Variants in CCDC152 observed in about 807,000 individuals in gnomAD.
CCDC152 encodes coiled-coil domain containing 152, also known as coiled-coil domain-containing protein 152.
CCDC152 carries 37 observed loss-of-function variants against 38.1 expected under a neutral mutation model. The observed-to-expected ratio is 0.97, with a 90% CI of 0.75 to 1.28. CCDC152 has a LOEUF of 1.28. Ranked by LOEUF, CCDC152 falls within the 50% of genes most tolerant of loss-of-function variation. The pLI is 0.00. For synonymous variants in CCDC152, 83 were observed against 87.1 expected (o/e 0.95, Z 0.26); for missense variants, 259 against 292.1 (o/e 0.89, Z 0.83).
At chr5:42,769,196 C>T (rs956833795) in intron 3 of CCDC152, among the ~76,000 whole-genome samples, 1 of 151,426 alleles carries the variant, frequency 6.6e-6, no homozygotes, top group Admixed American at 6.6e-5. Flanking sequence ...TTGCGTGAGC[C>T]GACATCGTGC....
At chr5:42,788,956 C>G (rs976890305) in intron 6 of CCDC152, among the ~76,000 whole-genome samples, 1 of 152,152 alleles carries the variant, frequency 6.6e-6, no homozygotes, top group Non-Finnish European at 1.5e-5. Flanking sequence ...ATCCCTTGGG[C>G]AGCAGCAGTG....
rs1760203432 is a variant in CCDC152, at chr5:42,801,555, G to A, written c.*1774G>A. The A allele has an allele frequency of 2.2e-6, 1 of 461,314 alleles. No homozygotes were observed. Among genetic ancestry groups the A allele is most frequent in the South Asian group, 6.1e-5 (1 of 16,326 alleles). 28.6% of individuals were successfully genotyped at this position (461,314 alleles called of 1,614,324 possible). A position where few individuals can be genotyped will look rare whatever the true frequency, so the allele number is the denominator to read the frequency against. ...AACCACTGTACTTATATTTGCAGAA[G>A]CAAATGAAGTAAACTGGCAAAAGGA... is the stretch of plus-strand genomic sequence containing the variant. On this transcript the variant is annotated 3_prime_UTR_variant, in exon 9 of 9. Transcript: ENST00000361970.
At position 42,801,346 on chromosome 5, in the gene CCDC152, T is replaced by A; in HGVS notation, c.*1565T>A. On this transcript the variant is annotated 3_prime_UTR_variant, in exon 9 of 9. Transcript: ENST00000361970. ...TCTTTGAGAGTCTGGAACAAATTTA[T>A]AAATCACTTTTTAACAAGCTTATAG... 1 of 1,573,044 alleles carries A rather than the reference T, an allele frequency of 6.4e-7. No homozygotes were observed. Among genetic ancestry groups the A allele is most frequent in the Non-Finnish European group, 8.6e-7 (1 of 1,160,006 alleles).
rs1437256552 is a variant in CCDC152, at chr5:42,802,278, C to T, written c.*2497C>T. ...GTACCTACTAATCAGAGACTCAAAG[C>T]CTATAGATACAGAAATGTAACAGTA... On this transcript the variant is annotated 3_prime_UTR_variant, in exon 9 of 9. Transcript: ENST00000361970. 1.3e-5 allele frequency: 2 copies of T among 152,110 alleles called. No homozygotes were observed. Among genetic ancestry groups the T allele is most frequent in the Admixed American group, 1.3e-4 (2 of 15,280 alleles). 9.4% of individuals were successfully genotyped at this position (152,110 alleles called of 1,614,324 possible).
chr5:42,776,606 A>G (rs191603764), intron 4 of CCDC152, among the ~76,000 whole-genome samples: 1 of 152,318 alleles, frequency 6.6e-6, no homozygotes, highest in Non-Finnish European at 1.5e-5. Context: ...CAACAACAGC[A>G]GAATACACAT....
At position 42,800,491 on chromosome 5, in the gene CCDC152, A is replaced by G. The variant is rs1262936294; in HGVS notation, c.*710A>G. The G allele has an allele frequency of 2.1e-6, 1 of 469,424 alleles. No individual in the cohort carries two copies. The highest frequency in any genetic ancestry group is 3.7e-6 in the Non-Finnish European group (1 of 273,752). The allele number at this position is 469,424 out of a possible 1,614,324, so 29.1% of individuals were successfully genotyped here. On this transcript the variant is annotated 3_prime_UTR_variant, in exon 9 of 9. Transcript: ENST00000361970. ...ACTGGAAAAAGAAAAAAAAAGACAT[A>G]TTAACCAAAAGCTGCAATCACCTTT...
At chr5:42,794,995 AAG>A (rs1760055380) in intron 6 of CCDC152, among the ~76,000 whole-genome samples, 1 of 152,182 alleles carries the variant, frequency 6.6e-6, no homozygotes, top group Non-Finnish European at 1.5e-5. Context: ...GATGAGAAAA[AAG>A]AGAGAAATGA....
At chr5:42,793,677 CGGCTCACTGCAACCTCCACCTCCCA>C (rs1323550837) in intron 6 of CCDC152, among the ~76,000 whole-genome samples, 1 of 152,112 alleles carries the variant, frequency 6.6e-6, no homozygotes, top group African/African-American at 2.4e-5. Context: ...GTTGCCATCT[CGGCTCACTGCAACCTCCACCTCCCA>C]GGTTCAAGCA....
chr5:42,785,303 G>A (rs1759903659), intron 6 of CCDC152, among the ~76,000 whole-genome samples: 1 of 152,026 alleles, frequency 6.6e-6, no homozygotes, highest in Non-Finnish European at 1.5e-5. Flanking sequence ...TCCTTGTAGA[G>A]GTTTTTCATC....
At chr5:42,769,279 A>G (rs1326581478) in intron 3 of CCDC152, among the ~76,000 whole-genome samples, 1 of 151,842 alleles carries the variant, frequency 6.6e-6, no homozygotes, top group East Asian at 1.9e-4. Flanking sequence ...TTTCCTTTAT[A>G]TAATTTTATT....
chr5:42,789,480 G>A lies in CCDC152; in HGVS notation c.430+5904G>A, dbSNP rs530967420. On this transcript the variant is annotated intron_variant, in intron 6 of 8. Coordinates refer to ENST00000361970, the MANE Select transcript of CCDC152 (RefSeq NM_001134848.2). ...CCCAAAGTGCTGAGACTACAGGCAT[G>A]AGCCACTGCACCTAGCCCCTTGATG... 3.3e-4 allele frequency among the ~76,000 whole-genome samples: 50 copies of A among 152,280 alleles called. 1 individual carries two copies. Among genetic ancestry groups the A allele is most frequent in the South Asian group, 6.2e-4 (3 of 4,822 alleles).
intron 6 of CCDC152, among the ~76,000 whole-genome samples, chr5:42,795,765 A>G (rs925539238): frequency 3.3e-5 from 5 of 152,146 alleles, no homozygotes; most frequent in African/African-American, 4.8e-5. Context: ...ACTATAAATC[A>G]TGCTGCTATA....
chr5:42,762,034 C>A (rs748691859), intron 2 of CCDC152, among the ~76,000 whole-genome samples: 1 of 152,132 alleles, frequency 6.6e-6, no homozygotes, highest in Non-Finnish European at 1.5e-5. Context: ...TTTACGCAAA[C>A]CTAAATGGTG....
chr5:42,796,466 G>C (rs192015308), intron 6 of CCDC152, among the ~76,000 whole-genome samples: 46 of 152,284 alleles, frequency 3.0e-4, no homozygotes, highest in African/African-American at 1.1e-3. Context: ...GAATAGTATA[G>C]CAGGGGCTTC....
chr5:42,762,817 C>T (rs1759571379), intron 3 of CCDC152, among the ~76,000 whole-genome samples: 1 of 151,910 alleles, frequency 6.6e-6, no homozygotes, highest in African/African-American at 2.4e-5. Context: ...TAAGAAATGG[C>T]CAATTGAAGT....
Position 42,800,489 on chromosome 5 carries a change from A to G in CCDC152, c.*708A>G, listed in dbSNP as rs565477894. The G allele has an allele frequency of 8.7e-6, 4 of 461,958 alleles. No individual in the cohort carries two copies. The highest frequency in any genetic ancestry group is 2.0e-5 in the African/African-American group (1 of 50,174). 28.6% of individuals were successfully genotyped at this position (461,958 alleles called of 1,614,324 possible). ...ACACTGGAAAAAGAAAAAAAAAGAC[A>G]TATTAACCAAAAGCTGCAATCACCT... On this transcript the variant is annotated 3_prime_UTR_variant, in exon 9 of 9. Transcript: ENST00000361970.
At chr5:42,799,020 A>G (rs1760120473) in intron 7 of CCDC152, among the ~76,000 whole-genome samples, 1 of 152,118 alleles carries the variant, frequency 6.6e-6, no homozygotes, top group African/African-American at 2.4e-5. Context: ...ATTTAAGTTA[A>G]ACTAGATTCT....
At chr5:42,771,456 A>C (rs1000717844) in intron 4 of CCDC152, among the ~76,000 whole-genome samples, 14 of 152,056 alleles carry the variant, frequency 9.2e-5, no homozygotes, top group South Asian at 2.1e-4. Context: ...AAAATAAAAA[A>C]CAACAGAAAA....
At position 42,801,074 on chromosome 5, in the gene CCDC152, TGGCA is replaced by T; in HGVS notation, c.*1294_*1297del. 6.2e-7 allele frequency: 1 copy of T among 1,614,252 alleles called. No individual in the cohort carries two copies. The highest frequency in any genetic ancestry group is 8.5e-7 in the Non-Finnish European group (1 of 1,180,032). ...GTAAATCTTGTAAATCTTCACTTGCTGGCATATCTCGGTTCTCTGGGTGACCCTG... is the reference window on the plus strand; with the variant it reads ...GTAAATCTTGTAAATCTTCACTTGCTTATCTCGGTTCTCTGGGTGACCCTG... On this transcript the variant is annotated 3_prime_UTR_variant, in exon 9 of 9. Transcript: ENST00000361970.
Sources: gnomAD v4.1 joint callset for allele counts (sites outside exome capture counted in the v4.1 genomes callset) on GRCh38, gnomAD v4.1.1 for gene constraint, MANE v1.5 for transcripts, NCBI Gene and HGNC (gene_info 2026-07-23, HGNC 2026-07-21) for gene names.